The following ASIC2 variants were observed in gnomAD, a reference collection of about 807,000 sequenced individuals.
ASIC2 encodes acid sensing ion channel subunit 2.
In ASIC2, 25 loss-of-function variants were observed where a neutral mutation model predicts 57.3. That is an observed-to-expected ratio of 0.44 (90% CI 0.32 to 0.61). The LOEUF is 0.61. Ranked by LOEUF, ASIC2 falls within the 20% of genes least tolerant of loss-of-function variation. The pLI, the probability that ASIC2 is intolerant of heterozygous loss-of-function variation, is 0.06. For missense variants in ASIC2, 641 were observed against 738.1 expected (o/e 0.87, Z 1.52); for synonymous variants, 319 against 307.5 (o/e 1.04, Z -0.39).
chr17:33,583,619 C>T (rs1346769335), intron 1 of ASIC2, among the ~76,000 whole-genome samples: 1 of 152,084 alleles, frequency 6.6e-6, no homozygotes, highest in Non-Finnish European at 1.5e-5. Flanking sequence ...CTGTTTAGGC[C>T]AGTGTTTTGC....
chr17:33,745,429 T>C (rs1358706076), intron 1 of ASIC2, among the ~76,000 whole-genome samples: 1 of 147,840 alleles, frequency 6.8e-6, no homozygotes, highest in Non-Finnish European at 1.5e-5. Flanking sequence ...TCAATTTACA[T>C]ATCCAAGAAT....
intron 5 of ASIC2, among the ~76,000 whole-genome samples, chr17:33,025,666 C>G (rs935666417): frequency 6.6e-6 from 1 of 151,980 alleles, no homozygotes; most frequent in African/African-American, 2.4e-5. Context: ...TCTCCATCTC[C>G]ACCTTCCATA....
intron 1 of ASIC2, among the ~76,000 whole-genome samples, chr17:33,466,949 C>G (rs1269368691): frequency 1.3e-5 from 2 of 152,154 alleles, no homozygotes; most frequent in Non-Finnish European, 2.9e-5. Context: ...GACTTCATGA[C>G]TAAAACACAA....
intron 1 of ASIC2, among the ~76,000 whole-genome samples, chr17:33,393,131 A>G (rs1005855252): frequency 6.6e-6 from 1 of 152,048 alleles, no homozygotes; most frequent in Non-Finnish European, 1.5e-5. Context: ...TTTCTATTCT[A>G]TTAACATTTA....
intron 1 of ASIC2, among the ~76,000 whole-genome samples, chr17:33,133,544 C>T (rs1383371814): frequency 6.6e-6 from 1 of 152,184 alleles, no homozygotes; most frequent in Non-Finnish European, 1.5e-5. Flanking sequence ...CTTAGACTCT[C>T]AGAAGTTACA....
At chr17:33,771,528 C>A (rs1190021403) in intron 1 of ASIC2, among the ~76,000 whole-genome samples, 1 of 152,096 alleles carries the variant, frequency 6.6e-6, no homozygotes, top group East Asian at 1.9e-4. Context: ...TGAGCTGAGG[C>A]CCCACAGAAC....
chr17:34,091,254 A>C (rs1567817333), intron 1 of ASIC2, among the ~76,000 whole-genome samples: 3 of 152,194 alleles, frequency 2.0e-5, no homozygotes, highest in Admixed American at 6.5e-5. Flanking sequence ...ACATAATCCA[A>C]TTGTCTGGAA....
intron 1 of ASIC2, among the ~76,000 whole-genome samples, chr17:33,696,513 G>A (rs1418155451): frequency 2.0e-5 from 3 of 152,218 alleles, no homozygotes; most frequent in Non-Finnish European, 2.9e-5. Context: ...GACCGAGGGA[G>A]GATGAGCAAA....
intron 3 of ASIC2, among the ~76,000 whole-genome samples, chr17:33,087,305 T>C (rs1222551920): frequency 2.6e-5 from 4 of 152,168 alleles, no homozygotes; most frequent in Admixed American, 2.0e-4. Flanking sequence ...ATTTGGTTTC[T>C]ACCTTGCATA....
Position 34,111,590 on chromosome 17 carries a change from C to T in ASIC2, c.555+44388G>A, listed in dbSNP as rs1415930086. Among the ~76,000 whole-genome samples, 4 of 152,158 alleles carry T rather than the reference C, an allele frequency of 2.6e-5. No individual in the cohort carries two copies. In the South Asian group the frequency reaches 8.3e-4, roughly 32 times the overall value. The stretch of plus-strand genomic sequence containing the variant: ...TCTGCTGCTAATTCTGCAAGTCAAG[C>T]CTTTGACACTTATTGTTTTTGATGA... On this transcript the variant is annotated intron_variant, in intron 1 of 9. Coordinates refer to the ASIC2 transcript ENST00000359872.
intron 1 of ASIC2, among the ~76,000 whole-genome samples, chr17:33,286,912 G>A (rs906548517): frequency 3.5e-4 from 54 of 152,138 alleles, no homozygotes; most frequent in African/African-American, 1.3e-3. Context: ...GACATTGGTC[G>A]ATTGAATGAA....
chr17:33,367,763 A>G (rs893636868), intron 1 of ASIC2, among the ~76,000 whole-genome samples: 2 of 152,222 alleles, frequency 1.3e-5, no homozygotes, highest in Non-Finnish European at 2.9e-5. Flanking sequence ...AAGGACCACA[A>G]AACAAAACAA....
intron 1 of ASIC2, among the ~76,000 whole-genome samples, chr17:33,986,650 C>T (rs1297869167): frequency 2.0e-5 from 3 of 152,080 alleles, no homozygotes; most frequent in Admixed American, 1.3e-4. Context: ...AAGGGCCCCT[C>T]GATGCCACCA....
intron 1 of ASIC2, among the ~76,000 whole-genome samples, chr17:33,549,116 C>T (rs1259977519): frequency 1.3e-5 from 2 of 152,102 alleles, no homozygotes; most frequent in African/African-American, 2.4e-5. Context: ...CATTGCAGCT[C>T]CAGCACCTAG....
intron 1 of ASIC2, among the ~76,000 whole-genome samples, chr17:34,024,372 C>T (rs1296885458): frequency 6.6e-6 from 1 of 152,228 alleles, no homozygotes; most frequent in Non-Finnish European, 1.5e-5. Context: ...TGGAGAATCC[C>T]TCTCTCTGTA....
At chr17:33,882,312 A>T (rs1396540220) in intron 1 of ASIC2, among the ~76,000 whole-genome samples, 1 of 152,226 alleles carries the variant, frequency 6.6e-6, no homozygotes, top group African/African-American at 2.4e-5. Context: ...CTATCATCAG[A>T]GTGAGCAGGC....
intron 1 of ASIC2, among the ~76,000 whole-genome samples, chr17:33,742,218 C>T (rs191546489): frequency 5.9e-5 from 9 of 152,312 alleles, no homozygotes; most frequent in East Asian, 3.9e-4. Context: ...TTGCTGCCCA[C>T]GCCCCATTTG....
chr17:34,039,666 T>A, intron 1 of ASIC2: 3 of 1,612,764 alleles, frequency 1.9e-6, no homozygotes, highest in Non-Finnish European at 2.5e-6. Context: ...TACTTTCATA[T>A]GGTTCAGCTT....
intron 3 of ASIC2, among the ~76,000 whole-genome samples, chr17:33,030,519 T>C (rs1229933294): frequency 2.0e-5 from 3 of 152,290 alleles, no homozygotes; most frequent in South Asian, 2.1e-4. Flanking sequence ...TATTTCTTTT[T>C]CTTACCTTGC....
Sources: gnomAD v4.1 joint callset for allele counts (sites outside exome capture counted in the v4.1 genomes callset) on GRCh38, gnomAD v4.1.1 for gene constraint, MANE v1.5 for transcripts, NCBI Gene and HGNC (gene_info 2026-07-23, HGNC 2026-07-21) for gene names.